BCAS1: variants seen among roughly 807,000 people sequenced by gnomAD.
The protein encoded by BCAS1 is breast carcinoma-amplified sequence 1.
A neutral mutation model predicts 65.4 loss-of-function variants in BCAS1; 46 were observed. The ratio of observed to expected loss-of-function variants is 0.70; its 90% confidence interval spans 0.55 to 0.90. The LOEUF (loss-of-function observed/expected upper bound fraction) is 0.90. Among genes scored for constraint, BCAS1 ranks in the 40% least tolerant of loss-of-function variants. BCAS1 has a pLI of 0.00. For synonymous variants in BCAS1, 298 were observed against 293.5 expected (o/e 1.02, Z -0.16); for missense variants, 793 against 771.2 (o/e 1.03, Z -0.33).
intron 3 of BCAS1, among the ~76,000 whole-genome samples, chr20:54,036,156 A>G (rs2091896441): frequency 6.6e-6 from 1 of 150,882 alleles, no homozygotes. Flanking sequence ...CAGGCTTGAT[A>G]CCTGGGTGAC....
intron 3 of BCAS1, among the ~76,000 whole-genome samples, chr20:54,039,154 C>A (rs1236181449): frequency 6.6e-6 from 1 of 151,420 alleles, no homozygotes; most frequent in Non-Finnish European, 1.5e-5. Flanking sequence ...CTATGTTGTG[C>A]AAATGCATTT....
intron 1 of BCAS1, among the ~76,000 whole-genome samples, chr20:54,061,759 G>A (rs529751036): frequency 5.3e-5 from 8 of 152,288 alleles, no homozygotes; most frequent in African/African-American, 1.7e-4. Context: ...GACACTTGTT[G>A]TTTTGTGCTA....
At chr20:54,040,207 C>T (rs554523965) in intron 3 of BCAS1, among the ~76,000 whole-genome samples, 1 of 151,512 alleles carries the variant, frequency 6.6e-6, no homozygotes, top group South Asian at 2.1e-4. Context: ...GTGTTACCCT[C>T]AAATCAATAT....
chr20:54,036,461 C>A (rs941900028), intron 3 of BCAS1, among the ~76,000 whole-genome samples: 1 of 151,010 alleles, frequency 6.6e-6, no homozygotes, highest in Non-Finnish European at 1.5e-5. Context: ...TGATTAAAAC[C>A]TTATTTCCAG....
chr20:53,967,147 T>C (rs1600729340), intron 9 of BCAS1, 74 bp from the exon 10 acceptor site: 1 of 1,506,042 alleles, frequency 6.6e-7, no homozygotes, highest in East Asian at 2.3e-5. Context: ...CAAAGTGGGG[T>C]CCTTGTTGCC....
Position 54,006,771 on chromosome 20 carries a change from T to C in BCAS1, c.724-10721A>G, listed in dbSNP as rs148791781. 9.7e-3 allele frequency among the ~76,000 whole-genome samples: 1,468 copies of C among 152,060 alleles called. 25 individuals carry two copies. The highest frequency in any genetic ancestry group is 0.033 in the African/African-American group (1,380 of 41,424). On this transcript the variant is annotated intron_variant, in intron 4 of 12. Transcript: ENST00000688948. ...TTTGAATCACAGCAAGTCTGGGGACTTGCCTACGGTGTCATGAAAGATTAG... is the reference window on the plus strand; with the variant it reads ...TTTGAATCACAGCAAGTCTGGGGACCTGCCTACGGTGTCATGAAAGATTAG...
At chr20:53,993,974 C>T (rs1359957882) in intron 6 of BCAS1, among the ~76,000 whole-genome samples, 4 of 152,174 alleles carry the variant, frequency 2.6e-5, no homozygotes, top group Non-Finnish European at 5.9e-5. Flanking sequence ...TTCATTCAAC[C>T]TTGGGGTCCA....
intron 1 of BCAS1, among the ~76,000 whole-genome samples, chr20:54,066,590 A>G (rs1789748224): frequency 6.6e-6 from 1 of 152,224 alleles, no homozygotes; most frequent in African/African-American, 2.4e-5. Flanking sequence ...CCTTGATCTG[A>G]TAGAATTAGT....
At chr20:54,053,156 T>C (rs190028881) in intron 3 of BCAS1, among the ~76,000 whole-genome samples, 3 of 152,302 alleles carry the variant, frequency 2.0e-5, no homozygotes, top group Admixed American at 2.0e-4. Flanking sequence ...GACACTCAAA[T>C]AACATCTAAA....
At chr20:54,053,804 A>T (rs2092255656) in intron 3 of BCAS1, among the ~76,000 whole-genome samples, 1 of 152,262 alleles carries the variant, frequency 6.6e-6, no homozygotes, top group African/African-American at 2.4e-5. Context: ...GCCATGATTC[A>T]ATGTAGCATT....
chr20:54,001,478 A>G (rs2091052794), intron 4 of BCAS1, among the ~76,000 whole-genome samples: 1 of 152,176 alleles, frequency 6.6e-6, no homozygotes, highest in African/African-American at 2.4e-5. Flanking sequence ...TCACCTCCCC[A>G]GTTGTTCTTA....
intron 1 of BCAS1, among the ~76,000 whole-genome samples, chr20:54,063,223 G>A (rs1381336551): frequency 3.3e-5 from 5 of 152,130 alleles, no homozygotes; most frequent in Admixed American, 3.3e-4. Flanking sequence ...TCTGGAGTTT[G>A]GAATCCCTGA....
chr20:53,955,115 T>C (rs764436273), intron 11 of BCAS1, among the ~76,000 whole-genome samples: 2 of 152,204 alleles, frequency 1.3e-5, no homozygotes, highest in Non-Finnish European at 2.9e-5. Context: ...GCAGCTTTGA[T>C]GGAGAAGGCA....
intron 12 of BCAS1, among the ~76,000 whole-genome samples, chr20:53,951,082 A>G (rs2089505999): frequency 6.6e-6 from 1 of 152,232 alleles, no homozygotes; most frequent in Admixed American, 6.5e-5. Context: ...TACCTATTGT[A>G]GAGGCTGGCT....
At chr20:53,948,210 C>T (rs2089393901) in intron 12 of BCAS1, among the ~76,000 whole-genome samples, 1 of 152,170 alleles carries the variant, frequency 6.6e-6, no homozygotes, top group South Asian at 2.1e-4. Context: ...TCTATTAAAG[C>T]TTACTTCCCC....
At chr20:54,022,271 C>T (rs984442968) in intron 4 of BCAS1, among the ~76,000 whole-genome samples, 2 of 148,646 alleles carry the variant, frequency 1.3e-5, no homozygotes, top group African/African-American at 5.0e-5. Context: ...AAGTGAACCA[C>T]TATTAATTGA....
intron 3 of BCAS1, among the ~76,000 whole-genome samples, chr20:54,046,230 C>T (rs1375515385): frequency 1.3e-5 from 2 of 152,152 alleles, no homozygotes; most frequent in African/African-American, 2.4e-5. Flanking sequence ...GTCATGATTC[C>T]ATGCATTAAG....
At chr20:54,015,980 C>A (rs1376377142) in intron 4 of BCAS1, among the ~76,000 whole-genome samples, 1 of 152,212 alleles carries the variant, frequency 6.6e-6, no homozygotes, top group African/African-American at 2.4e-5. Flanking sequence ...TGAAAGTCAA[C>A]TGCTGTCAAC....
intron 4 of BCAS1, among the ~76,000 whole-genome samples, chr20:53,999,035 T>A (rs1337144946): frequency 6.6e-6 from 1 of 152,200 alleles, no homozygotes; most frequent in South Asian, 2.1e-4. Flanking sequence ...GAACTGAACA[T>A]CTTAAAATTC....
Sources: gnomAD v4.1 joint callset for allele counts (sites outside exome capture counted in the v4.1 genomes callset) on GRCh38, gnomAD v4.1.1 for gene constraint, MANE v1.5 for transcripts, NCBI Gene and HGNC (gene_info 2026-07-23, HGNC 2026-07-21) for gene names.